Variants in AGBL4 observed in about 807,000 individuals in gnomAD.
AGBL4 encodes cytosolic carboxypeptidase 6.
Under a neutral mutation model 66.4 loss-of-function variants are expected in AGBL4, and 58 were observed. The ratio of observed to expected loss-of-function variants is 0.87; its 90% CI spans 0.71 to 1.09. The LOEUF is 1.09. Among genes scored for constraint, AGBL4 ranks in the 50% least tolerant of loss-of-function variants. The probability of loss-of-function intolerance (pLI) is 0.00; values close to 1 mark genes in which losing one functional copy is unlikely to be tolerated. For synonymous variants in AGBL4, 234 were observed against 222.9 expected (o/e 1.05, Z -0.44); for missense variants, 579 against 631.0 (o/e 0.92, Z 0.88).
At chr1:48,842,957 T>C (rs1001932206) in intron 6 of AGBL4, among the ~76,000 whole-genome samples, 13 of 152,238 alleles carry the variant, frequency 8.5e-5, no homozygotes, top group South Asian at 8.3e-4. Context: ...TCACATGAGA[T>C]ATTTACAGTA....
At chr1:49,330,771 G>A (rs1398436349) in intron 3 of AGBL4, among the ~76,000 whole-genome samples, 1 of 152,080 alleles carries the variant, frequency 6.6e-6, no homozygotes, top group Non-Finnish European at 1.5e-5. Flanking sequence ...AAGGGGTGAA[G>A]GGGCCAAGAT....
At chr1:48,739,740 C>T (rs1476124227) in intron 6 of AGBL4, among the ~76,000 whole-genome samples, 1 of 152,198 alleles carries the variant, frequency 6.6e-6, no homozygotes, top group Admixed American at 6.5e-5. Context: ...GCAACTGTTA[C>T]ATCCTTTACC....
intron 3 of AGBL4, among the ~76,000 whole-genome samples, chr1:49,552,390 C>T (rs1653035435): frequency 6.6e-6 from 1 of 152,190 alleles, no homozygotes; most frequent in South Asian, 2.1e-4. Context: ...GTTTGCCCCC[C>T]TGCTCCTCTA....
chr1:49,030,820 CAAAAAA>C (rs34872551), intron 5 of AGBL4, among the ~76,000 whole-genome samples: 1 of 62,082 alleles, frequency 1.6e-5, no homozygotes, highest in African/African-American at 6.2e-5. Context: ...TAAGTAGAGG[CAAAAAA>C]AAAAAAAAAA....
intron 3 of AGBL4, among the ~76,000 whole-genome samples, chr1:49,558,045 T>C (rs1643945475): frequency 6.6e-6 from 1 of 151,830 alleles, no homozygotes; most frequent in Non-Finnish European, 1.5e-5. Flanking sequence ...GAGAACCTTC[T>C]ACCTTAAAGG....
chr1:48,970,847 C>A (rs1487174173), intron 5 of AGBL4, among the ~76,000 whole-genome samples: 1 of 152,046 alleles, frequency 6.6e-6, no homozygotes, highest in East Asian at 1.9e-4. Flanking sequence ...CTGTCCTCAT[C>A]TGAAAAAATA....
chr1:49,177,437 T>C (rs887159258), intron 4 of AGBL4, among the ~76,000 whole-genome samples: 3 of 152,166 alleles, frequency 2.0e-5, no homozygotes, highest in Admixed American at 6.5e-5. Flanking sequence ...CTTTTTCAGT[T>C]AGTAAAGCAC....
At chr1:49,580,682 T>G (rs1357309167) in intron 3 of AGBL4, among the ~76,000 whole-genome samples, 1 of 152,184 alleles carries the variant, frequency 6.6e-6, no homozygotes, top group African/African-American at 2.4e-5. Context: ...TTACTGACAG[T>G]TTTTTTCTTT....
chr1:49,620,503 C>T (rs958037541), intron 3 of AGBL4, among the ~76,000 whole-genome samples: 2 of 152,164 alleles, frequency 1.3e-5, no homozygotes, highest in Admixed American at 1.3e-4. Context: ...AACAGGAATG[C>T]TTTTACACTG....
chr1:49,644,365 A>G (rs1645843005), intron 3 of AGBL4, among the ~76,000 whole-genome samples: 1 of 151,624 alleles, frequency 6.6e-6, no homozygotes, highest in African/African-American at 2.4e-5. Flanking sequence ...AAGTTGTCAA[A>G]CTGGGTTCAA....
rs575171298 is a variant in AGBL4 at position 49,144,320 on chromosome 1, G to T, written c.378-98520C>A. On this transcript the variant is annotated intron_variant, in intron 4 of 13. Transcript: ENST00000371839. ...TGTTGGAGGACTCTAGGGTGACTGA[G>T]TGAGCCCATCATTGAGGAAGCTTCA... 6.6e-5 allele frequency among the ~76,000 whole-genome samples: 10 copies of T among 152,206 alleles called. No individual in the cohort carries two copies. The East Asian group carries it at 1.9e-3, about 29-fold the overall frequency.
At chr1:49,559,901 T>A (rs1643992556) in intron 3 of AGBL4, among the ~76,000 whole-genome samples, 1 of 152,108 alleles carries the variant, frequency 6.6e-6, no homozygotes, top group Non-Finnish European at 1.5e-5. Context: ...ATAAACTCCC[T>A]TTCATATATA....
At chr1:49,268,395 C>CT (rs1235202886) in intron 3 of AGBL4, 29 of 139,324 alleles carry the variant, frequency 2.1e-4, no homozygotes, top group African/African-American at 4.6e-4. Flanking sequence ...AATTCCTTTC[C>CT]TTTTTTTTTT....
At chr1:49,527,870 T>C (rs1650792525) in intron 3 of AGBL4, among the ~76,000 whole-genome samples, 1 of 152,158 alleles carries the variant, frequency 6.6e-6, no homozygotes, top group African/African-American at 2.4e-5. Flanking sequence ...TGCAGTTATA[T>C]AGCACTTGGT....
intron 1 of AGBL4, among the ~76,000 whole-genome samples, chr1:49,949,617 A>G (rs986911438): frequency 2.0e-5 from 3 of 151,914 alleles, no homozygotes; most frequent in Non-Finnish European, 4.4e-5. Flanking sequence ...GCTTAACATC[A>G]CTAATGATCA....
intron 3 of AGBL4, among the ~76,000 whole-genome samples, chr1:49,329,523 G>A (rs559894740): frequency 9.9e-5 from 15 of 151,702 alleles, no homozygotes; most frequent in Admixed American, 5.3e-4. Context: ...AAAATTAGCC[G>A]GACGGGGTGG....
chr1:49,251,264 G>C (rs552578478), intron 3 of AGBL4, among the ~76,000 whole-genome samples: 1 of 152,078 alleles, frequency 6.6e-6, no homozygotes, highest in Non-Finnish European at 1.5e-5. Context: ...GCTTCCCCTC[G>C]GCCCAAGGCA....
intron 5 of AGBL4, among the ~76,000 whole-genome samples, chr1:48,928,149 C>A (rs965472102): frequency 2.0e-5 from 3 of 152,166 alleles, no homozygotes; most frequent in African/African-American, 7.2e-5. Flanking sequence ...GAGAAGCATC[C>A]ACTGACAGGA....
At chr1:49,299,204 T>C (rs1257035582) in intron 3 of AGBL4, among the ~76,000 whole-genome samples, 2 of 152,194 alleles carry the variant, frequency 1.3e-5, no homozygotes, top group African/African-American at 2.4e-5. Flanking sequence ...GTATATGAGA[T>C]GTCTGGATTG....
Sources: gnomAD v4.1 joint callset for allele counts (sites outside exome capture counted in the v4.1 genomes callset) on GRCh38, gnomAD v4.1.1 for gene constraint, MANE v1.5 for transcripts, NCBI Gene and HGNC (gene_info 2026-07-23, HGNC 2026-07-21) for gene names.